Variants in POMGNT1 observed in about 807,000 individuals in gnomAD.
The protein encoded by POMGNT1 is protein O-linked mannose N-acetylglucosaminyltransferase 1 (beta 1,2-).
POMGNT1 carries 67 observed loss-of-function variants against 95.6 expected under a neutral mutation model. The observed-to-expected ratio is 0.70, with a 90% confidence interval of 0.58 to 0.86. The LOEUF (loss-of-function observed/expected upper bound fraction) is 0.86, where lower values mean the gene tolerates loss of function less well. Ranked by LOEUF, POMGNT1 falls within the 40% of genes least tolerant of loss-of-function variation. The pLI is 0.00. For synonymous variants in POMGNT1, 298 were observed against 317.9 expected (o/e 0.94, Z 0.66); for missense variants, 719 against 855.2 (o/e 0.84, Z 1.99).
intron 17 of POMGNT1, chr1:46,191,772 C>G (rs1314453014): frequency 2.8e-6 from 1 of 358,570 alleles, no homozygotes; most frequent in African/African-American, 2.1e-5. Context: ...GTAGCTGGGA[C>G]TACAGGCGCC....
chr1:46,203,327 A>ACC, upstream of POMGNT1: 1 of 1,036,052 alleles, frequency 9.7e-7, no homozygotes, highest in Admixed American at 3.4e-5. Flanking sequence ...GCGGGCGGGG[A>ACC]CCCACCGGTT....
chr1:46,197,419 G>A, intron 2 of POMGNT1: 1 of 1,491,744 alleles, frequency 6.7e-7, no homozygotes, highest in Non-Finnish European at 8.9e-7. Context: ...TCAGACCTGG[G>A]TCCTGGCCCT....
intron 1 of POMGNT1, among the ~76,000 whole-genome samples, chr1:46,209,185 C>T (rs1163757703): frequency 2.0e-5 from 3 of 152,036 alleles, no homozygotes; most frequent in Non-Finnish European, 4.4e-5. Flanking sequence ...ACACCATGCC[C>T]AGCTAATTTT....
rs10047045 is a variant in POMGNT1 at position 46,215,620 on chromosome 1, T to G, written c.-51+4085A>C. ...ACTGAAAATTAAAAGACATGGAGGCTGGGTGCCATGGCACATGCCTCTAAT... is the reference window on the plus strand; with the variant it reads ...ACTGAAAATTAAAAGACATGGAGGCGGGGTGCCATGGCACATGCCTCTAAT... On this transcript the variant is annotated intron_variant, in intron 1 of 22. Transcript: ENST00000371992. 8.2e-3 allele frequency among the ~76,000 whole-genome samples: 1,255 copies of G among 152,342 alleles called. 19 individuals carry two copies. The highest frequency in any genetic ancestry group is 0.037 in the Middle Eastern group (11 of 294).
At chr1:46,219,149 G>A (rs879819936) in intron 1 of POMGNT1, among the ~76,000 whole-genome samples, 8 of 152,030 alleles carry the variant, frequency 5.3e-5, no homozygotes, top group Non-Finnish European at 8.8e-5. Context: ...TACAAAATTA[G>A]CTGGGTGTGG....
In POMGNT1 at chr1:46,193,393, G is replaced by C. The variant is rs779435288; in HGVS notation, c.1027-5C>G. 10 of 1,611,218 alleles carry C rather than the reference G, an allele frequency of 6.2e-6. No homozygotes were observed. The South Asian group carries it at 1.1e-4, about 18-fold the overall frequency. On this transcript the variant is annotated splice_region_variant and splice_polypyrimidine_tract_variant and intron_variant, in intron 11 of 21. Coordinates refer to ENST00000371984, the MANE Select transcript of POMGNT1 (RefSeq NM_017739.4). ...TGCCACCACATCCATGGGTTCCTGGGGGACATGGCCACTGCTCACCATGTG... is the reference window on the plus strand; with the variant it reads ...TGCCACCACATCCATGGGTTCCTGGCGGACATGGCCACTGCTCACCATGTG...
Position 46,193,162 on chromosome 1 carries a change from C to G in POMGNT1, c.1152+12G>C, listed in dbSNP as rs1257932801. The G allele has an allele frequency of 1.2e-6, 2 of 1,613,980 alleles. No individual in the cohort carries two copies. Among genetic ancestry groups the G allele is most frequent in the Admixed American group, 3.3e-5 (2 of 59,984 alleles). ...CCCTCCCAGGCCCAAGAGTTGTATC[C>G]TTAGTACTCACCGGAAACAGGTTGA... is the stretch of plus-strand genomic sequence containing the variant. On this transcript the variant is annotated intron_variant, in intron 13 of 21. Transcript: ENST00000371984.
Position 46,194,611 on chromosome 1 carries a change from G to T in POMGNT1, c.693C>A (p.Leu231=), listed in dbSNP as rs1341096609. 6.2e-7 allele frequency: 1 copy of T among 1,614,212 alleles called. No homozygotes were observed. The highest frequency in any genetic ancestry group is 8.5e-7 in the Non-Finnish European group (1 of 1,180,026). Residue 231 remains leucine, a synonymous_variant, in exon 8 of 22, where the codon CTC becomes CTA. Coordinates refer to ENST00000371984, the MANE Select transcript of POMGNT1 (RefSeq NM_017739.4). ...GCAGGACTGGGTCCCCCCAGGAAGAGAGGGCAGGTGATTTAGAATGTTTCT... is the reference window on the plus strand; with the variant it reads ...GCAGGACTGGGTCCCCCCAGGAAGATAGGGCAGGTGATTTAGAATGTTTCT... ...FGEKHSKSPA[L]SSWGDPVLLK... is the part of the protein sequence containing the mutation.
At chr1:46,190,890 T>C (rs1299937777) in intron 17 of POMGNT1, 106 bp from the exon 18 acceptor site, 2 of 1,049,510 alleles carry the variant, frequency 1.9e-6, no homozygotes, top group Non-Finnish European at 3.0e-6. Context: ...GTCCTAGACC[T>C]GTAAAGAGCC....
chr1:46,214,740 C>G (rs1444294735), intron 1 of POMGNT1, among the ~76,000 whole-genome samples: 1 of 151,840 alleles, frequency 6.6e-6, no homozygotes, highest in African/African-American at 2.4e-5. Context: ...GTGGCAGACA[C>G]CTGTAATTCC....
chr1:46,219,839 C>T, exon 1 of POMGNT1: 1 of 1,614,198 alleles, frequency 6.2e-7, no homozygotes, highest in South Asian at 1.1e-5. Flanking sequence ...GTCAATATAG[C>T]CTGACAGGCG....
Position 46,194,378 on chromosome 1 carries a change from T to C in POMGNT1, c.775A>G (p.Thr259Ala), listed in dbSNP as rs1658045692. 2 of 1,614,194 alleles carry C rather than the reference T, an allele frequency of 1.2e-6. No homozygotes were observed. The highest frequency in any genetic ancestry group is 4.5e-5 in the East Asian group (2 of 44,884). Residue 259 changes from threonine (T) to alanine (A), a missense_variant, in exon 9 of 22, where the codon ACA (threonine) becomes GCA (alanine). By Grantham distance (58) the Thr-to-Ala change is moderately conservative. Around this residue, in one of 5 missense-constraint regions of POMGNT1, gnomAD observed 466 missense variants for 517.4 expected, o/e 0.90. Transcript: ENST00000371984. ...AEEAECHWAD[T>A]ELNRRRRRFC... ...CGCCGGCGGCGACGGTTCAGCTCTG[T>C]GTCTGCCCAGTGGCACTCTGCCTCT... is the stretch of plus-strand genomic sequence containing the variant.
intron 1 of POMGNT1, chr1:46,219,605 C>T (rs1456043621): frequency 7.4e-7 from 1 of 1,346,106 alleles, no homozygotes; most frequent in Admixed American, 2.3e-5. Context: ...TAAAGTGAAA[C>T]ATGGTTGGCT....
In POMGNT1 at chr1:46,192,474, G is replaced by A. The variant is rs774662217; in HGVS notation, c.1285-38C>T. On this transcript the variant is annotated intron_variant, in intron 15 of 21. Transcript: ENST00000371984. ...TGCCATAGTGGGAGGTATTAGCTGA[G>A]GCCTCATAAACTCGCCTGCTAAACC... 3 of 1,614,106 alleles carry A rather than the reference G, an allele frequency of 1.9e-6. No individual in the cohort carries two copies. In the Admixed American group the frequency reaches 5.0e-5, roughly 27 times the overall value.
chr1:46,189,957 G>C lies in POMGNT1; in HGVS notation c.1682C>G (p.Pro561Arg), dbSNP rs911220909. 6.2e-7 allele frequency: 1 copy of C among 1,614,176 alleles called. No homozygotes were observed. Among genetic ancestry groups the C allele is most frequent in the Non-Finnish European group, 8.5e-7 (1 of 1,180,026 alleles). The change falls in exon 20 of 22, where the codon CCT (proline) becomes CGT (arginine). Residue 561 changes from proline (P) to arginine (R), a missense_variant. Coordinates refer to ENST00000371984, the MANE Select transcript of POMGNT1 (RefSeq NM_017739.4). Reference protein sequence around the residue: ...EAEVLDHSKNPCEDSFLPDTE... With the variant: ...EAEVLDHSKNRCEDSFLPDTE... ...GTCTGGCAGGAAAGAGTCTTCACAA[G>C]GGTTCTTGCTGTGGTCCAGAACCTC...
At position 46,195,817 on chromosome 1, in the gene POMGNT1, A is replaced by G. The variant is rs1217058255; in HGVS notation, c.528T>C (p.Thr176=). ...MVAPGRVLIC[T]VKDEGSFHLK... ...TCAGGACAGAATAACTGACCTTGAC[A>G]GTGCAGATGAGCACTCGGCCGGGCG... The change falls in exon 6 of 22, where the codon ACT becomes ACC. Residue 176 remains threonine (T), a synonymous_variant. Coordinates refer to ENST00000371984, the MANE Select transcript of POMGNT1 (RefSeq NM_017739.4). The G allele has an allele frequency of 6.3e-7, 1 of 1,593,028 alleles. No homozygotes were observed. The highest frequency in any genetic ancestry group is 8.6e-7 in the Non-Finnish European group (1 of 1,168,370).
rs781694733 is a variant in POMGNT1, at chr1:46,189,026, C to G, written c.*244G>C. Reference sequence around the variant, plus strand: ...AAGGGCAGGATGAGCTGCTAGGGATCGTAATGATTCCCAGGTACTCTCCTG... The same window carrying G: ...AAGGGCAGGATGAGCTGCTAGGGATGGTAATGATTCCCAGGTACTCTCCTG... On this transcript the variant is annotated 3_prime_UTR_variant, in exon 22 of 22. Transcript: ENST00000371984. 8 of 1,575,130 alleles carry G rather than the reference C, an allele frequency of 5.1e-6. No individual in the cohort carries two copies. The highest frequency in any genetic ancestry group is 2.7e-5 in the African/African-American group (2 of 74,016).
chr1:46,194,321 C>T lies in POMGNT1; in HGVS notation c.832G>A (p.Val278Ile). ...FCSKVEGYGSVCSCKDPTPIE... is the reference protein window; with the variant it reads ...FCSKVEGYGSICSCKDPTPIE... ...GGTGTGGGGTCCTTGCAGCTGCATACACTTCCATAGCCCTCAACTTTGCTG... is the reference window on the plus strand; with the variant it reads ...GGTGTGGGGTCCTTGCAGCTGCATATACTTCCATAGCCCTCAACTTTGCTG... Residue 278 changes from valine to isoleucine, a missense_variant, in exon 9 of 22, where the codon GTA (valine) becomes ATA (isoleucine). This residue lies in a region of POMGNT1 where 466 missense variants were observed against 517.4 expected (regional missense o/e 0.90). Coordinates refer to ENST00000371984, the MANE Select transcript of POMGNT1 (RefSeq NM_017739.4). The T allele has an allele frequency of 1.2e-6, 2 of 1,614,236 alleles. No homozygotes were observed. Among genetic ancestry groups the T allele is most frequent in the Non-Finnish European group, 8.5e-7 (1 of 1,180,050 alleles).
upstream of POMGNT1, chr1:46,198,449 C>A: frequency 6.7e-6 from 1 of 150,226 alleles, no homozygotes; most frequent in Non-Finnish European, 1.5e-5. Context: ...CGGCCTGGCC[C>A]GCCCCCCCGC....
Sources: gnomAD v4.1 joint callset for allele counts (sites outside exome capture counted in the v4.1 genomes callset) on GRCh38, gnomAD v4.1.1 for gene constraint, gnomAD v4.1.1 regional missense constraint, MANE v1.5 for transcripts, NCBI Gene and HGNC (gene_info 2026-07-23, HGNC 2026-07-21) for gene names.